Variants in KYNU observed in about 807,000 individuals in gnomAD.
KYNU encodes the protein kynureninase, also known as L-kynurenine hydrolase.
KYNU carries 54 observed loss-of-function variants against 59.2 expected under a neutral mutation model. The observed-to-expected ratio is 0.91, with a 90% CI of 0.73 to 1.14. The LOEUF is 1.14. Ranked by LOEUF, KYNU falls within the 50% of genes most tolerant of loss-of-function variation. The probability of loss-of-function intolerance (pLI) is 0.00; values close to 1 mark genes in which losing one functional copy is unlikely to be tolerated. For missense variants in KYNU, 567 were observed against 554.4 expected (o/e 1.02, Z -0.23); for synonymous variants, 177 against 192.0 (o/e 0.92, Z 0.65).
intron 10 of KYNU, among the ~76,000 whole-genome samples, chr2:143,016,261 C>G (rs773350934): frequency 1.1e-4 from 16 of 152,206 alleles, no homozygotes; most frequent in Non-Finnish European, 1.8e-4. Flanking sequence ...TACTTCACCT[C>G]TGAGGCAAGA....
At chr2:142,885,730 C>T (rs1681487154) in intron 2 of KYNU, among the ~76,000 whole-genome samples, 194 bp downstream of exon 2, 1 of 152,154 alleles carries the variant, frequency 6.6e-6, no homozygotes, top group South Asian at 2.1e-4. Flanking sequence ...TCTGTTTTCT[C>T]CCCTCCTCTG....
chr2:143,035,455 A>C (rs1376384982), intron 12 of KYNU, among the ~76,000 whole-genome samples: 1 of 152,240 alleles, frequency 6.6e-6, no homozygotes, highest in Non-Finnish European at 1.5e-5. Flanking sequence ...AAAATTTTTG[A>C]ATTACAAACT....
chr2:142,950,544 A>C (rs1380003657), intron 4 of KYNU, among the ~76,000 whole-genome samples: 2 of 151,536 alleles, frequency 1.3e-5, no homozygotes, highest in Admixed American at 6.6e-5. Flanking sequence ...AAACCATCAG[A>C]TCTCATGAGA....
At position 143,042,027 on chromosome 2, in the gene KYNU, G is replaced by A. The variant is rs371502172; in HGVS notation, c.1273-20G>A. ...TGTGAATAATGCTAACATTATTGTG[G>A]CTTTATTTTTTCCCCACAGTGTGAC... On this transcript the variant is annotated intron_variant, in intron 13 of 13. Coordinates refer to ENST00000264170, the MANE Select transcript of KYNU (RefSeq NM_003937.3). The A allele has an allele frequency of 3.7e-6, 6 of 1,610,280 alleles. No individual in the cohort carries two copies. The East Asian group carries it at 1.1e-4, about 30-fold the overall frequency.
intron 8 of KYNU, among the ~76,000 whole-genome samples, chr2:142,969,584 A>G (rs959054700): frequency 6.6e-6 from 1 of 152,194 alleles, no homozygotes; most frequent in African/African-American, 2.4e-5. Context: ...GTTTAATTTA[A>G]GCTTTTGATT....
chr2:143,028,598 C>G (rs1324016554), intron 10 of KYNU, among the ~76,000 whole-genome samples: 1 of 150,730 alleles, frequency 6.6e-6, no homozygotes, highest in South Asian at 2.1e-4. Context: ...GTAATCCCAG[C>G]ACTTTGGGAG....
intron 10 of KYNU, among the ~76,000 whole-genome samples, chr2:143,027,845 G>A (rs1686621534): frequency 6.6e-6 from 1 of 151,992 alleles, no homozygotes; most frequent in Non-Finnish European, 1.5e-5. Context: ...GACTGTTTCT[G>A]TATTTACCGT....
At chr2:142,935,442 G>C (rs761538682) in intron 4 of KYNU, among the ~76,000 whole-genome samples, 4 of 152,188 alleles carry the variant, frequency 2.6e-5, no homozygotes, top group Admixed American at 2.0e-4. Flanking sequence ...TGCGCCAGTA[G>C]GCTGGGCAGG....
chr2:142,878,867 C>T (rs1295166813), intron 1 of KYNU, among the ~76,000 whole-genome samples: 1 of 152,138 alleles, frequency 6.6e-6, no homozygotes, highest in Admixed American at 6.5e-5. Context: ...GACCTAATGT[C>T]ATTTGAGCTT....
intron 2 of KYNU, among the ~76,000 whole-genome samples, chr2:142,892,102 C>G (rs1024169531): frequency 6.6e-6 from 1 of 152,154 alleles, no homozygotes; most frequent in Non-Finnish European, 1.5e-5. Flanking sequence ...TTGGTGGAGA[C>G]AGGGTTTCAC....
intron 10 of KYNU, among the ~76,000 whole-genome samples, chr2:143,002,779 G>A (rs1253835763): frequency 6.6e-6 from 1 of 152,046 alleles, no homozygotes; most frequent in Non-Finnish European, 1.5e-5. Context: ...AAAAGAAAAT[G>A]CCAAGCAGTA....
intron 2 of KYNU, among the ~76,000 whole-genome samples, chr2:142,890,693 G>T (rs975097226): frequency 3.3e-5 from 5 of 152,100 alleles, no homozygotes; most frequent in African/African-American, 1.2e-4. Flanking sequence ...GCTCAGGCTG[G>T]TCTCAAACTC....
Position 143,052,192 on chromosome 2 carries a change from A to C in KYNU, c.*10020A>C, listed in dbSNP as rs1206850023. On this transcript the variant is annotated 3_prime_UTR_variant, in exon 14 of 14. Transcript: ENST00000264170. ...CAGATTATTTAGGGTATCTGGAGGA[A>C]GAAATTTTTATGCAGCAAAGCATTC... 2 of 152,570 alleles carry C rather than the reference A, an allele frequency of 1.3e-5. No homozygotes were observed. Among genetic ancestry groups the C allele is most frequent in the African/African-American group, 4.8e-5 (2 of 41,484 alleles). The allele number at this position is 152,570 out of a possible 1,614,324, so 9.5% of individuals were successfully genotyped here.
intron 4 of KYNU, among the ~76,000 whole-genome samples, chr2:142,938,776 T>C (rs1242737878): frequency 6.6e-6 from 1 of 152,134 alleles, no homozygotes; most frequent in Non-Finnish European, 1.5e-5. Flanking sequence ...AAAAGAAATC[T>C]GTTTTTAGTT....
chr2:142,895,869 G>A (rs1421931078), intron 2 of KYNU, among the ~76,000 whole-genome samples: 2 of 152,058 alleles, frequency 1.3e-5, no homozygotes, highest in Non-Finnish European at 2.9e-5. Context: ...ACTTTTTGTA[G>A]AGATGAGGTT....
intron 10 of KYNU, among the ~76,000 whole-genome samples, chr2:142,994,535 A>T (rs576659896): frequency 6.6e-6 from 1 of 152,216 alleles, no homozygotes; most frequent in East Asian, 1.9e-4. Flanking sequence ...AGCTTTGGTC[A>T]GGATTTAAGA....
At chr2:142,992,217 A>G (rs951312410) in intron 10 of KYNU, among the ~76,000 whole-genome samples, 1 of 151,892 alleles carries the variant, frequency 6.6e-6, no homozygotes, top group African/African-American at 2.4e-5. Context: ...GAAGTAGAGG[A>G]CATTTGACAA....
chr2:142,912,631 G>A (rs1334616375), intron 2 of KYNU, among the ~76,000 whole-genome samples: 2 of 150,476 alleles, frequency 1.3e-5, no homozygotes, highest in Non-Finnish European at 3.0e-5. Context: ...CGCCCACCTC[G>A]GCCTCCCAAA....
intron 10 of KYNU, among the ~76,000 whole-genome samples, chr2:143,019,781 CG>C (rs1162374493): frequency 6.6e-6 from 1 of 151,928 alleles, no homozygotes; most frequent in African/African-American, 2.4e-5. Flanking sequence ...GAATCCATCA[CG>C]TCTTTGGATT....
Sources: allele counts gnomAD v4.1 joint callset (sites outside exome capture counted in the v4.1 genomes callset), GRCh38; gene constraint gnomAD v4.1.1; transcripts MANE v1.5; gene names NCBI Gene and HGNC (gene_info 2026-07-23, HGNC 2026-07-21).